The following SYT1 variants were observed in gnomAD, a reference collection of about 807,000 sequenced individuals.
The protein encoded by SYT1 is synaptotagmin 1.
Under a neutral mutation model 44.8 loss-of-function variants are expected in SYT1, and 8 were observed. The ratio of observed to expected loss-of-function variants is 0.18; its 90% CI spans 0.10 to 0.32. SYT1 has a LOEUF of 0.32. Among genes scored for constraint, SYT1 ranks in the 10% least tolerant of loss-of-function variants. The pLI is 1.00. For synonymous variants in SYT1, 154 were observed against 188.8 expected, an observed-to-expected ratio of 0.82 and a Z score of 1.51; for missense variants, 286 against 509.3, an observed-to-expected ratio of 0.56 and a Z score of 4.22.
chr12:79,132,599 A>T (rs1165214394), intron 3 of SYT1, among the ~76,000 whole-genome samples: 1 of 142,344 alleles, frequency 7.0e-6, no homozygotes, highest in East Asian at 2.4e-4. Flanking sequence ...GCTGGTGAGG[A>T]TGTGGAACTC....
chr12:79,425,338 C>T lies in SYT1; in HGVS notation c.929-18735C>T, dbSNP rs1869386730. Among the ~76,000 whole-genome samples the T allele has an allele frequency of 1.3e-5, 2 of 152,126 alleles. 1 individual carries two copies. Among genetic ancestry groups the T allele is most frequent in the South Asian group, 4.1e-4 (2 of 4,826 alleles). ...CTCAAAAGTTTCAAAAGTTCTTTAACCAGATAAACTCCATTTTTGTCTGTT... is the reference window on the plus strand; with the variant it reads ...CTCAAAAGTTTCAAAAGTTCTTTAATCAGATAAACTCCATTTTTGTCTGTT... On this transcript the variant is annotated intron_variant, in intron 9 of 10. Transcript: ENST00000261205.
chr12:79,140,427 A>G (rs2138212316), intron 3 of SYT1, among the ~76,000 whole-genome samples: 1 of 152,296 alleles, frequency 6.6e-6, no homozygotes, highest in Middle Eastern at 3.4e-3. Context: ...GCCTTTACCT[A>G]GGTGCTTTCC....
intron 1 of SYT1, among the ~76,000 whole-genome samples, chr12:78,949,939 T>C (rs2137290202): frequency 6.6e-6 from 1 of 152,104 alleles, no homozygotes; most frequent in Non-Finnish European, 1.5e-5. Context: ...ATAAATAATA[T>C]AATAAATGTT....
At chr12:79,007,557 C>T (rs1871172976) in intron 2 of SYT1, among the ~76,000 whole-genome samples, 1 of 152,054 alleles carries the variant, frequency 6.6e-6, no homozygotes, top group Non-Finnish European at 1.5e-5. Context: ...TTAAGGACCT[C>T]TATGTCAAAT....
intron 9 of SYT1, among the ~76,000 whole-genome samples, chr12:79,439,493 T>G (rs1593068270): frequency 6.6e-6 from 1 of 152,258 alleles, no homozygotes; most frequent in Non-Finnish European, 1.5e-5. Context: ...GGCTTACTTG[T>G]GCAGCAAATG....
intron 4 of SYT1, among the ~76,000 whole-genome samples, chr12:79,271,229 A>AAT (rs999687101): frequency 2.0e-5 from 3 of 152,180 alleles, no homozygotes; most frequent in African/African-American, 4.8e-5. Context: ...TTACTTTTAA[A>AAT]ATATATATAT....
intron 3 of SYT1, among the ~76,000 whole-genome samples, chr12:79,060,725 G>A (rs984911169): frequency 1.4e-4 from 22 of 152,146 alleles, no homozygotes; most frequent in Non-Finnish European, 1.6e-4. Context: ...GATTTATTGA[G>A]TAATGGAGTT....
chr12:79,401,944 G>C lies in SYT1; in HGVS notation c.929-42129G>C, dbSNP rs564861240. ...TTGACCTTCCAAAGTACTGGGATTA[G>C]AGGCATAAGCCACCAAAACTCAAAC... On this transcript the variant is annotated intron_variant, in intron 9 of 10. Transcript: ENST00000261205. Among the ~76,000 whole-genome samples the C allele has an allele frequency of 6.6e-5, 10 of 152,232 alleles. No individual in the cohort carries two copies. In the South Asian group the frequency reaches 2.1e-3, roughly 32 times the overall value.
rs549051277 is a variant in SYT1 at position 79,250,373 on chromosome 12, C to T, written c.166+32688C>T. On this transcript the variant is annotated intron_variant, in intron 4 of 10. Coordinates refer to ENST00000261205, the MANE Select transcript of SYT1 (RefSeq NM_005639.3). ...ATTCCGGTATGTAAACATATTCCTCCGTATTCCTAATAAGGGCTTTCCTGG... is the reference window on the plus strand; with the variant it reads ...ATTCCGGTATGTAAACATATTCCTCTGTATTCCTAATAAGGGCTTTCCTGG... Among the ~76,000 whole-genome samples the T allele has an allele frequency of 2.6e-5, 4 of 152,282 alleles. No homozygotes were observed. In the South Asian group the frequency reaches 6.2e-4, roughly 24 times the overall value.
intron 2 of SYT1, among the ~76,000 whole-genome samples, chr12:78,998,441 G>A (rs1870519293): frequency 6.6e-6 from 1 of 152,148 alleles, no homozygotes; most frequent in Non-Finnish European, 1.5e-5. Flanking sequence ...TGGATTATGA[G>A]CACTCTGAGA....
At chr12:79,321,943 T>C (rs1246615030) in intron 8 of SYT1, among the ~76,000 whole-genome samples, 1 of 152,126 alleles carries the variant, frequency 6.6e-6, no homozygotes, top group African/African-American at 2.4e-5. Flanking sequence ...CAGCCATTAG[T>C]TAGAGTGCCC....
rs933674586 is a variant in SYT1 at position 79,269,975 on chromosome 12, G to A, written c.167-15812G>A. On this transcript the variant is annotated intron_variant, in intron 4 of 10. Transcript: ENST00000261205. ...ATACTTTTTCAAATATGCATTTAAT[G>A]TTCTGTCTCCAGAGGTGGCTAATGA... is the stretch of plus-strand genomic sequence containing the variant. Among the ~76,000 whole-genome samples, 8 of 152,174 alleles carry A rather than the reference G, an allele frequency of 5.3e-5. No individual in the cohort carries two copies. In the South Asian group the frequency reaches 1.7e-3, roughly 32 times the overall value.
At chr12:79,303,709 A>G (rs1880255695) in intron 8 of SYT1, among the ~76,000 whole-genome samples, 1 of 152,214 alleles carries the variant, frequency 6.6e-6, no homozygotes, top group South Asian at 2.1e-4. Flanking sequence ...GCCTAATTAG[A>G]AAAAGATTTA....
chr12:79,342,110 G>A (rs1486666062), intron 8 of SYT1, among the ~76,000 whole-genome samples: 1 of 152,178 alleles, frequency 6.6e-6, no homozygotes, highest in Admixed American at 6.5e-5. Flanking sequence ...AGAGGCATTT[G>A]ATGAGGCAGA....
Position 79,172,969 on chromosome 12 carries a change from C to CAAAAAA in SYT1, c.-17-44502_-17-44497dup, listed in dbSNP as rs200575966. Among the ~76,000 whole-genome samples the CAAAAAA allele has an allele frequency of 1.4e-3, 22 of 15,726 alleles. 5 individuals are homozygous for CAAAAAA. Among genetic ancestry groups the CAAAAAA allele is most frequent in the East Asian group, 4.5e-3 (3 of 660 alleles). 10.3% of individuals were successfully genotyped at this position (15,726 alleles called of 152,430 possible). Reference sequence around the variant, plus strand: ...TTCAGGTTACTAGAGTTCCTGCTCTCAAAAAAAAAAAAAAAAAAAAAAAAA... The same window carrying CAAAAAA: ...TTCAGGTTACTAGAGTTCCTGCTCTCAAAAAAAAAAAAAAAAAAAAAAAAAAAAAAA... On this transcript the variant is annotated intron_variant, in intron 3 of 10. Coordinates refer to ENST00000261205, the MANE Select transcript of SYT1 (RefSeq NM_005639.3).
At chr12:79,337,838 G>A (rs1330867991) in intron 8 of SYT1, among the ~76,000 whole-genome samples, 1 of 152,100 alleles carries the variant, frequency 6.6e-6, no homozygotes, top group Non-Finnish European at 1.5e-5. Flanking sequence ...AAATTACTTG[G>A]TATCCACACT....
chr12:79,077,809 A>G (rs557137956), intron 3 of SYT1, among the ~76,000 whole-genome samples: 1 of 152,300 alleles, frequency 6.6e-6, no homozygotes, highest in African/African-American at 2.4e-5. Flanking sequence ...TGGGCCATTC[A>G]GTATTATCAT....
At chr12:79,398,026 G>A (rs1281366956) in intron 9 of SYT1, among the ~76,000 whole-genome samples, 1 of 152,190 alleles carries the variant, frequency 6.6e-6, no homozygotes, top group African/African-American at 2.4e-5. Context: ...CCAAATCACT[G>A]CTTAAAGCTG....
In SYT1 at chr12:79,308,591, G is replaced by GAAAAGGAA. The variant is rs377566583; in HGVS notation, c.810+9042_810+9043insAAGGAAAA. Among the ~76,000 whole-genome samples the GAAAAGGAA allele has an allele frequency of 9.4e-4, 104 of 110,444 alleles. 1 individual carries two copies. The highest frequency in any genetic ancestry group is 3.4e-3 in the African/African-American group (100 of 29,244). 72.5% of individuals were successfully genotyped at this position (110,444 alleles called of 152,430 possible). ...AAAGAAAGAAAAGAAGGAAAAGAAA[G>GAAAAGGAA]AAGAAAGAAAGAAAGAAAGAAAAAG... On this transcript the variant is annotated intron_variant, in intron 8 of 10. Transcript: ENST00000261205.
Sources: gnomAD v4.1 joint callset for allele counts (sites outside exome capture counted in the v4.1 genomes callset) on GRCh38, gnomAD v4.1.1 for gene constraint, MANE v1.5 for transcripts, NCBI Gene and HGNC (gene_info 2026-07-23, HGNC 2026-07-21) for gene names.